ATP1A4: variants seen among roughly 807,000 people sequenced by gnomAD.
ATP1A4 encodes the protein ATPase Na+/K+ transporting subunit alpha 4.
In ATP1A4, 90 loss-of-function variants were observed where a neutral mutation model predicts 114.3. The ratio of observed to expected loss-of-function variants is 0.79; its 90% CI spans 0.66 to 0.94. The LOEUF (loss-of-function observed/expected upper bound fraction) is 0.94, where lower values mean the gene tolerates loss of function less well. Among genes scored for constraint, ATP1A4 ranks in the 40% least tolerant of loss-of-function variants. The probability of loss-of-function intolerance (pLI) is 0.00; values close to 1 mark genes in which losing one functional copy is unlikely to be tolerated. For missense variants in ATP1A4, 1,222 were observed against 1,313.6 expected, an observed-to-expected ratio of 0.93 and a Z score of 1.08; for synonymous variants, 511 against 494.1, an observed-to-expected ratio of 1.03 and a Z score of -0.45.
chr1:160,166,435 A>G (rs41288135), intron 7 of ATP1A4, 93 bp from the exon 8 acceptor site: 340,185 of 1,470,084 alleles, frequency 0.23, 41,794 homozygotes, highest in Non-Finnish European at 0.25. Flanking sequence ...CAAAAAATCA[A>G]AATAGCATTA....
intron 6 of ATP1A4, among the ~76,000 whole-genome samples, chr1:160,162,783 G>A (rs965840668): frequency 6.6e-6 from 1 of 152,142 alleles, no homozygotes; most frequent in Non-Finnish European, 1.5e-5. Context: ...TTGGAACATA[G>A]GGCTCTACCA....
intron 13 of ATP1A4, 152 bp downstream of exon 13, chr1:160,173,869 A>T (rs1230852357): frequency 1.7e-6 from 2 of 1,162,002 alleles, no homozygotes; most frequent in African/African-American, 3.1e-5. Context: ...TAGGAAAATA[A>T]AGTGAATATG....
intron 10 of ATP1A4, 72 bp downstream of exon 10, chr1:160,167,484 C>T: frequency 1.9e-6 from 3 of 1,580,286 alleles, no homozygotes; most frequent in Non-Finnish European, 2.6e-6. Flanking sequence ...GGGAGCTTTG[C>T]CTCTGCCTTC....
At chr1:160,154,385 G>A (rs1652561992) in intron 2 of ATP1A4, among the ~76,000 whole-genome samples, 1 of 151,708 alleles carries the variant, frequency 6.6e-6, no homozygotes, top group African/African-American at 2.4e-5. Flanking sequence ...AAAAAAAAAT[G>A]GATATGTAGA....
At chr1:160,173,340 G>C (rs1653332546) in intron 12 of ATP1A4, among the ~76,000 whole-genome samples, 1 of 152,160 alleles carries the variant, frequency 6.6e-6, no homozygotes, top group African/African-American at 2.4e-5. Context: ...CAAATCTCTG[G>C]CTTATTCCTG....
At chr1:160,167,570 G>A (rs75095578) in intron 10 of ATP1A4, 158 bp downstream of exon 10, 24 of 1,010,918 alleles carry the variant, frequency 2.4e-5, no homozygotes, top group African/African-American at 2.0e-4. Context: ...TCAAGAGAAC[G>A]TGACAAACAG....
chr1:160,181,382 G>A (rs1346606612), intron 18 of ATP1A4, among the ~76,000 whole-genome samples: 19 of 151,854 alleles, frequency 1.3e-4, no homozygotes, highest in African/African-American at 4.4e-4. Flanking sequence ...GTGAAACCCC[G>A]TCTCTACTAA....
intron 12 of ATP1A4, 139 bp downstream of exon 12, chr1:160,171,896 TTAATAG>T: frequency 1.2e-6 from 1 of 860,396 alleles, no homozygotes; most frequent in Non-Finnish European, 1.7e-6. Context: ...TGATTTTTAA[TTAATAG>T]TAAGTTTCCT....
Position 160,171,390 on chromosome 1 carries a change from C to A in ATP1A4, c.1631C>A (p.Ala544Asp). 1 of 1,614,144 alleles carries A rather than the reference C, an allele frequency of 6.2e-7. No homozygotes were observed. The highest frequency in any genetic ancestry group is 2.2e-5 in the East Asian group (1 of 44,880). Residue 544 changes from alanine (A) to aspartate (D), a missense_variant, in exon 11 of 22, where the codon GCC (alanine) becomes GAC (aspartate). Transcript: ENST00000368081. ...EYSMNDEMKE[A>D]FQNAYLELGG... ...TCAATGAACGATGAAATGAAGGAAG[C>A]CTTCCAAAATGCCTACTTAGAACTG...
At chr1:160,156,955 A>C (rs1042481108) in intron 4 of ATP1A4, among the ~76,000 whole-genome samples, 14 of 152,156 alleles carry the variant, frequency 9.2e-5, no homozygotes, top group Non-Finnish European at 1.6e-4. Context: ...TCTACAAAAA[A>C]ATTTAAAAAT....
At chr1:160,186,407 C>A (rs1166247496) in intron 21 of ATP1A4, 40 bp downstream of exon 21, 2 of 1,473,872 alleles carry the variant, frequency 1.4e-6, no homozygotes, top group African/African-American at 1.4e-5. Flanking sequence ...GAGTGGTCAC[C>A]AGCCCCCTCA....
intron 6 of ATP1A4, among the ~76,000 whole-genome samples, chr1:160,160,956 A>G (rs1652845206): frequency 6.6e-6 from 1 of 152,196 alleles, no homozygotes; most frequent in Admixed American, 6.5e-5. Context: ...ATTTGCCCAA[A>G]TTTACCCTTA....
chr1:160,181,432 G>A (rs1653697287), intron 18 of ATP1A4, among the ~76,000 whole-genome samples: 1 of 151,974 alleles, frequency 6.6e-6, no homozygotes, highest in African/African-American at 2.4e-5. Context: ...GCAGGCGCCT[G>A]TAGTCCCAGC....
chr1:160,165,391 C>G (rs1160063973), intron 7 of ATP1A4, among the ~76,000 whole-genome samples: 1 of 152,176 alleles, frequency 6.6e-6, no homozygotes. Flanking sequence ...CAACAAAAGT[C>G]TTTTGGTTTA....
rs760414928 is a variant in ATP1A4 at position 160,159,059 on chromosome 1, T to C, written c.583T>C (p.Leu195=). The change falls in exon 5 of 22, where the codon TTG becomes CTG. Residue 195 remains leucine (L), a synonymous_variant. Transcript: ENST00000368081. ...KMQINVQEVV[L]GDLVEIKGGD... is the part of the protein sequence containing the mutation. ...GCAAATTAATGTACAAGAGGTGGTG[T>C]TGGGAGACCTGGTGGAAATCAAGGG... The C allele has an allele frequency of 5.6e-6, 9 of 1,614,010 alleles. No individual in the cohort carries two copies. The East Asian group carries it at 1.6e-4, about 28-fold the overall frequency.
At chr1:160,157,680 A>G (rs1652716808) in intron 4 of ATP1A4, among the ~76,000 whole-genome samples, 1 of 152,232 alleles carries the variant, frequency 6.6e-6, no homozygotes, top group African/African-American at 2.4e-5. Context: ...ATCATGATGT[A>G]GGTAACTTAC....
intron 3 of ATP1A4, 35 bp from the exon 4 acceptor site, chr1:160,156,010 T>C (rs1332474752): frequency 7.8e-7 from 1 of 1,282,340 alleles, no homozygotes; most frequent in Non-Finnish European, 1.1e-6. Context: ...GACGACAAGG[T>C]CCCACTGATA....
chr1:160,165,110 C>A (rs984755207), intron 7 of ATP1A4, among the ~76,000 whole-genome samples: 6 of 152,212 alleles, frequency 3.9e-5, no homozygotes, highest in Admixed American at 3.3e-4. Context: ...CTTAGCCATT[C>A]TTCCTATGAC....
At chr1:160,173,770 G>GC in intron 13 of ATP1A4, 53 bp downstream of exon 13, 1 of 1,581,248 alleles carries the variant, frequency 6.3e-7, no homozygotes, top group South Asian at 1.1e-5. Context: ...TCCCCAGCCT[G>GC]CCCCACCCAG....
Sources: gnomAD v4.1 joint callset for allele counts (sites outside exome capture counted in the v4.1 genomes callset) on GRCh38, gnomAD v4.1.1 for gene constraint, MANE v1.5 for transcripts, NCBI Gene and HGNC (gene_info 2026-07-23, HGNC 2026-07-21) for gene names.